The following ZFHX3 variants were observed in gnomAD, a reference collection of about 807,000 sequenced individuals.
The protein encoded by ZFHX3 is zinc finger homeobox 3.
A neutral mutation model predicts 279.1 loss-of-function variants in ZFHX3; 42 were observed. The observed-to-expected ratio is 0.15, with a 90% CI of 0.12 to 0.19. The LOEUF (loss-of-function observed/expected upper bound fraction) is 0.19. Among genes scored for constraint, ZFHX3 ranks in the 10% least tolerant of loss-of-function variants. The pLI is 1.00. For synonymous variants in ZFHX3, 2,293 were observed against 1,957.8 expected, an observed-to-expected ratio of 1.17 and a Z score of -4.52; for missense variants, 4,981 against 4,754.0, an observed-to-expected ratio of 1.05 and a Z score of -1.40.
chr16:72,912,544 G>C (rs982937427), intron 3 of ZFHX3, among the ~76,000 whole-genome samples: 1 of 152,086 alleles, frequency 6.6e-6, no homozygotes, highest in Non-Finnish European at 1.5e-5. Flanking sequence ...ATCAGAATGG[G>C]AGTCAAAAAG....
upstream of ZFHX3, among the ~76,000 whole-genome samples, chr16:73,063,063 G>A (rs1199322232): frequency 6.6e-6 from 1 of 152,226 alleles, no homozygotes; most frequent in African/African-American, 2.4e-5. Flanking sequence ...CCCCAGGCTT[G>A]CAGCGCCCGG....
intron 2 of ZFHX3, among the ~76,000 whole-genome samples, chr16:73,512,395 C>T (rs964412168): frequency 6.8e-6 from 1 of 147,414 alleles, no homozygotes; most frequent in African/African-American, 2.5e-5. Flanking sequence ...TTGCAGTGAG[C>T]CAAGATCACT....
At chr16:72,874,356 G>A (rs2038251105) in intron 4 of ZFHX3, among the ~76,000 whole-genome samples, 3 of 151,856 alleles carry the variant, frequency 2.0e-5, no homozygotes, top group Admixed American at 2.0e-4. Context: ...ACAGGCACCC[G>A]CCACCACACC....
At chr16:73,354,499 C>T (rs976811774) in intron 3 of ZFHX3, among the ~76,000 whole-genome samples, 3 of 152,210 alleles carry the variant, frequency 2.0e-5, no homozygotes, top group Non-Finnish European at 4.4e-5. Flanking sequence ...ATGGGGCCCT[C>T]ATTTCACGAG....
chr16:72,998,406 A>G (rs1290895669), intron 1 of ZFHX3, among the ~76,000 whole-genome samples: 3 of 152,244 alleles, frequency 2.0e-5, no homozygotes, highest in Admixed American at 6.5e-5. Flanking sequence ...GTCTCAAAAA[A>G]TAATAATACT....
chr16:73,059,061 T>C (rs1474389626), exon 1 of ZFHX3: 1 of 152,926 alleles, frequency 6.5e-6, no homozygotes, highest in Non-Finnish European at 1.5e-5. Flanking sequence ...TTCTGCTAAT[T>C]AGTTTCCTGC....
intron 1 of ZFHX3, among the ~76,000 whole-genome samples, chr16:73,872,064 T>G (rs118086644): frequency 6.6e-6 from 1 of 152,186 alleles, no homozygotes; most frequent in East Asian, 1.9e-4. Flanking sequence ...CATTTTGAAT[T>G]GTAAGTGAAT....
Position 73,260,889 on chromosome 16 carries a change from G to A in ZFHX3, c.-1193-3753C>T, listed in dbSNP as rs550748857. The stretch of plus-strand genomic sequence containing the variant: ...GTAGAGACGGGGGTTTCACCATGTT[G>A]GGCAGGCTGGTCTCGAACTCCTGAC... On this transcript the variant is annotated intron_variant, in intron 4 of 17. Transcript: ENST00000641206. Among the ~76,000 whole-genome samples the A allele has an allele frequency of 2.0e-4, 31 of 151,948 alleles. 1 individual carries two copies. Among genetic ancestry groups the A allele is most frequent in the Admixed American group, 5.2e-4 (8 of 15,246 alleles).
At chr16:73,583,841 A>G (rs1008623783) in intron 2 of ZFHX3, among the ~76,000 whole-genome samples, 1 of 152,210 alleles carries the variant, frequency 6.6e-6, no homozygotes, top group Non-Finnish European at 1.5e-5. Flanking sequence ...GTAAAATTGG[A>G]CAGATTCTGA....
At chr16:73,577,794 GTTTTATAGT>G (rs1381440270) in intron 2 of ZFHX3, among the ~76,000 whole-genome samples, 2 of 152,176 alleles carry the variant, frequency 1.3e-5, no homozygotes, top group Non-Finnish European at 2.9e-5. Context: ...TTCCGCCATA[GTTTTATAGT>G]TTTTACCCTA....
intron 7 of ZFHX3, among the ~76,000 whole-genome samples, chr16:73,102,235 C>G (rs778448855): frequency 3.3e-5 from 5 of 152,148 alleles, no homozygotes; most frequent in Non-Finnish European, 7.3e-5. Context: ...CACGATTGCT[C>G]TTGCAGATGA....
chr16:73,358,941 A>G (rs1427201042), intron 3 of ZFHX3, among the ~76,000 whole-genome samples: 1 of 152,236 alleles, frequency 6.6e-6, no homozygotes, highest in Non-Finnish European at 1.5e-5. Context: ...AGATTAAACA[A>G]GATAACACTT....
chr16:73,476,601 C>T (rs1210441497), intron 2 of ZFHX3, among the ~76,000 whole-genome samples: 1 of 152,150 alleles, frequency 6.6e-6, no homozygotes, highest in Non-Finnish European at 1.5e-5. Flanking sequence ...TTTAACATTG[C>T]AGCAAGTGGG....
chr16:72,868,344 T>G (rs1190841969), intron 4 of ZFHX3, among the ~76,000 whole-genome samples: 1 of 152,140 alleles, frequency 6.6e-6, no homozygotes, highest in African/African-American at 2.4e-5. Context: ...CAAGCTCACA[T>G]CCTCAGATCA....
chr16:73,698,766 G>T (rs1477732291), intron 1 of ZFHX3, among the ~76,000 whole-genome samples: 1 of 152,210 alleles, frequency 6.6e-6, no homozygotes, highest in Non-Finnish European at 1.5e-5. Flanking sequence ...GGAGACTAAG[G>T]AGACTAAGGA....
At chr16:73,581,739 C>T (rs1043110774) in intron 2 of ZFHX3, among the ~76,000 whole-genome samples, 1 of 129,086 alleles carries the variant, frequency 7.7e-6, no homozygotes, top group Non-Finnish European at 1.6e-5. Flanking sequence ...GGCACGATCT[C>T]AGTTCACTGC....
intron 4 of ZFHX3, among the ~76,000 whole-genome samples, chr16:73,287,824 A>ATGGCTGTGTGGGTTGGTGAG (rs2014666687): frequency 6.5e-5 from 3 of 45,840 alleles, no homozygotes; most frequent in African/African-American, 2.2e-4. Flanking sequence ...GGGTCAGTGT[A>ATGGCTGTGTGGGTTGGTGAG]TGGCTGTGTG....
chr16:73,816,628 A>AT (rs1960580039), intron 1 of ZFHX3, among the ~76,000 whole-genome samples: 1 of 127,760 alleles, frequency 7.8e-6, no homozygotes, highest in African/African-American at 3.2e-5. Flanking sequence ...TTTAAAAGAG[A>AT]TGGGGGGGGA....
chr16:73,060,179 C>G (rs1427194078), upstream of ZFHX3: 1 of 148,050 alleles, frequency 6.8e-6, no homozygotes, highest in Admixed American at 6.8e-5. Flanking sequence ...AGAGGAAAGG[C>G]CTAGGGTGTA....
Sources: allele counts gnomAD v4.1 joint callset (sites outside exome capture counted in the v4.1 genomes callset), GRCh38; gene constraint gnomAD v4.1.1; transcripts MANE v1.5; gene names NCBI Gene and HGNC (gene_info 2026-07-23, HGNC 2026-07-21).